Variants in VPS26C observed in about 807,000 individuals in gnomAD.
The protein encoded by VPS26C is VPS26 endosomal protein sorting factor C, also known as vacuolar protein sorting-associated protein 26C.
A neutral mutation model predicts 30.6 loss-of-function variants in VPS26C; 19 were observed. That is an observed-to-expected ratio of 0.62 (90% CI 0.43 to 0.91). The LOEUF is 0.91. VPS26C is among the 40% of genes least tolerant of loss of function. The pLI, the probability that VPS26C is intolerant of heterozygous loss-of-function variation, is 0.00. For missense variants in VPS26C, 318 were observed against 385.1 expected (o/e 0.83, Z 1.46); for synonymous variants, 132 against 151.5 (o/e 0.87, Z 0.95).
intron 1 of VPS26C, among the ~76,000 whole-genome samples, chr21:37,254,293 T>C (rs2086221037): frequency 6.6e-6 from 1 of 151,848 alleles, no homozygotes. Flanking sequence ...AAGAGATGAG[T>C]CTAGCAGCAA....
intron 1 of VPS26C, among the ~76,000 whole-genome samples, chr21:37,258,923 G>A (rs1277485451): frequency 6.6e-6 from 1 of 152,136 alleles, no homozygotes; most frequent in Non-Finnish European, 1.5e-5. Flanking sequence ...AGACAATCTC[G>A]GATAATTCTG....
chr21:37,259,415 TCTCTTA>T (rs202050007), intron 1 of VPS26C, among the ~76,000 whole-genome samples: 1,607 of 152,246 alleles, frequency 0.011, 22 homozygotes, highest in East Asian at 0.027. Flanking sequence ...GGGGAGTAAA[TCTCTTA>T]TTTATGTTTT....
rs374265179 is a variant in VPS26C at position 37,223,426 on chromosome 21, T to C, written c.*2118A>G. ...TCTCTAAGGAAAGCAGTCATATTTA[T>C]ATCCATAAAATCAGTTTATTAAATT... On this transcript the variant is annotated 3_prime_UTR_variant, in exon 8 of 8. Coordinates refer to ENST00000309117, the MANE Select transcript of VPS26C (RefSeq NM_006052.2). 19 of 152,382 alleles carry C rather than the reference T, an allele frequency of 1.2e-4. 1 individual carries two copies. The East Asian group carries it at 1.7e-3, about 14-fold the overall frequency. 9.4% of individuals were successfully genotyped at this position (152,382 alleles called of 1,614,324 possible).
At chr21:37,253,607 C>T (rs957856887) in intron 1 of VPS26C, among the ~76,000 whole-genome samples, 4 of 152,172 alleles carry the variant, frequency 2.6e-5, no homozygotes, top group Admixed American at 2.0e-4. Context: ...TATGCAGGAT[C>T]TTTAGCAGCA....
rs1174247554 is a variant in VPS26C, at chr21:37,233,510, C to T, written c.352-68G>A. 6.2e-6 allele frequency: 7 copies of T among 1,135,444 alleles called. No homozygotes were observed. Among genetic ancestry groups the T allele is most frequent in the Non-Finnish European group, 9.4e-6 (7 of 747,528 alleles). The allele number at this position is 1,135,444 out of a possible 1,614,324, so 70.3% of individuals were successfully genotyped here. A position where few individuals can be genotyped will look rare whatever the true frequency, so the allele number is the denominator to read the frequency against. On this transcript the variant is annotated intron_variant, in intron 3 of 7. Coordinates refer to ENST00000309117, the MANE Select transcript of VPS26C (RefSeq NM_006052.2). The surrounding 1 kb of genome is among the most constrained non-coding windows in gnomAD (Gnocchi z 5.2). ...TTTGCTTTCATCTTGGAATTATATT[C>T]AAAGAGACAAGTCAGTCAACATATT...
At chr21:37,243,570 G>T (rs2086109095) in intron 1 of VPS26C, among the ~76,000 whole-genome samples, 1 of 152,134 alleles carries the variant, frequency 6.6e-6, no homozygotes. Context: ...AGCTTTCATT[G>T]GAGGAATGTG....
rs1310796003 is a variant in VPS26C at position 37,247,648 on chromosome 21, A to G, written c.58-7009T>C. 2.0e-5 allele frequency among the ~76,000 whole-genome samples: 3 copies of G among 152,226 alleles called. No individual in the cohort carries two copies. In the East Asian group the frequency reaches 5.8e-4, roughly 29 times the overall value. On this transcript the variant is annotated intron_variant, in intron 1 of 7. Transcript: ENST00000309117. ...GAGCCAAATTAATGCCTATTCAAAA[A>G]CAGACATGAATATTCCATTACAAGG...
chr21:37,250,579 T>C (rs1216294788), intron 1 of VPS26C, among the ~76,000 whole-genome samples: 2 of 151,664 alleles, frequency 1.3e-5, no homozygotes, highest in Non-Finnish European at 2.9e-5. Flanking sequence ...AAAGGGCTGA[T>C]TTCCCTAATA....
Position 37,227,638 on chromosome 21 carries a change from G to A in VPS26C, c.811+16C>T. 1 of 1,611,472 alleles carries A rather than the reference G, an allele frequency of 6.2e-7. No individual in the cohort carries two copies. The highest frequency in any genetic ancestry group is 1.1e-5 in the South Asian group (1 of 91,012). On this transcript the variant is annotated intron_variant, in intron 7 of 7. Transcript: ENST00000309117. ...TCCCATGGGCCCATGAGGGCTGGGA[G>A]GCGAGTGCCACTTACCCACTTTGAA... is the stretch of plus-strand genomic sequence containing the variant.
intron 1 of VPS26C, among the ~76,000 whole-genome samples, chr21:37,260,221 G>T (rs1405456073): frequency 6.6e-6 from 1 of 152,234 alleles, no homozygotes; most frequent in African/African-American, 2.4e-5. Flanking sequence ...GAGGATTAAA[G>T]CACTCTGTGA....
At chr21:37,229,599 G>GTTA (rs1280836297) in intron 5 of VPS26C, 1 of 152,200 alleles carries the variant, frequency 6.6e-6, no homozygotes, top group Non-Finnish European at 1.5e-5. Flanking sequence ...TATCAAAAGT[G>GTTA]TTATCACTTC....
At chr21:37,232,151 A>G (rs2085971548) in intron 5 of VPS26C, among the ~76,000 whole-genome samples, 1 of 152,162 alleles carries the variant, frequency 6.6e-6, no homozygotes, top group Non-Finnish European at 1.5e-5. Flanking sequence ...ATTAATAGAC[A>G]TGGACCCTCC....
intron 2 of VPS26C, among the ~76,000 whole-genome samples, chr21:37,239,520 G>A (rs752363772): frequency 6.6e-6 from 1 of 151,772 alleles, no homozygotes; most frequent in African/African-American, 2.4e-5. Context: ...CAGTAGCATA[G>A]ACACAGCTAA....
At chr21:37,258,108 T>G (rs2086263344) in intron 1 of VPS26C, among the ~76,000 whole-genome samples, 1 of 152,174 alleles carries the variant, frequency 6.6e-6, no homozygotes, top group Non-Finnish European at 1.5e-5. Flanking sequence ...TTAACTGCCG[T>G]GAGATCTGCC....
Position 37,223,515 on chromosome 21 carries a change from T to C in VPS26C, c.*2029A>G, listed in dbSNP as rs576026664. The stretch of plus-strand genomic sequence containing the variant: ...TCATTAGCTTTTTAAATTCGTTAAA[T>C]ATTTTCATCTCATTAAAAATGGTTT... On this transcript the variant is annotated 3_prime_UTR_variant, in exon 8 of 8. Coordinates refer to ENST00000309117, the MANE Select transcript of VPS26C (RefSeq NM_006052.2). 1 of 152,394 alleles carries C rather than the reference T, an allele frequency of 6.6e-6. No individual in the cohort carries two copies. The highest frequency in any genetic ancestry group is 1.9e-4 in the East Asian group (1 of 5,196). 9.4% of individuals were successfully genotyped at this position (152,394 alleles called of 1,614,324 possible).
At chr21:37,238,699 GA>G (rs1569234843) in intron 2 of VPS26C, 90 bp from the exon 3 acceptor site, 1 of 1,496,080 alleles carries the variant, frequency 6.7e-7, no homozygotes, top group African/African-American at 1.4e-5. Context: ...ACAGCACCCC[GA>G]CCCCCTGGAG....
upstream of VPS26C, chr21:37,267,725 C>T: frequency 8.7e-6 from 2 of 230,136 alleles, no homozygotes; most frequent in Non-Finnish European, 1.7e-5. Flanking sequence ...GGATGACGCT[C>T]CCGTCAGGCT....
intron 3 of VPS26C, among the ~76,000 whole-genome samples, chr21:37,236,343 A>AAT (rs2086024038): frequency 6.6e-6 from 1 of 152,230 alleles, no homozygotes; most frequent in South Asian, 2.1e-4. Flanking sequence ...AGACCTGCCA[A>AAT]ATAATGGCAT....
chr21:37,262,271 G>C (rs1430325347), intron 1 of VPS26C, among the ~76,000 whole-genome samples: 1 of 152,160 alleles, frequency 6.6e-6, no homozygotes, highest in East Asian at 1.9e-4. Flanking sequence ...GGTTTACATT[G>C]TCTATTCCTC....
Sources: gnomAD v4.1 joint callset for allele counts (sites outside exome capture counted in the v4.1 genomes callset) on GRCh38, gnomAD v4.1.1 for gene constraint, Gnocchi (gnomAD v3.1) non-coding constraint, MANE v1.5 for transcripts, NCBI Gene and HGNC (gene_info 2026-07-23, HGNC 2026-07-21) for gene names.